The following LGR5 variants were observed in gnomAD, a reference collection of about 807,000 sequenced individuals.
The protein encoded by LGR5 is leucine rich repeat containing G protein-coupled receptor 5.
A neutral mutation model predicts 76.7 loss-of-function variants in LGR5; 54 were observed. That is an observed-to-expected ratio of 0.70 (90% CI 0.57 to 0.88). The LOEUF is 0.88. LGR5 is among the 40% of genes least tolerant of loss of function. The pLI is 0.00. For synonymous variants in LGR5, 406 were observed against 421.9 expected, an observed-to-expected ratio of 0.96 and a Z score of 0.46; for missense variants, 1,078 against 1,073.3, an observed-to-expected ratio of 1.00 and a Z score of -0.06.
chr12:71,559,652 A>T lies in LGR5; in HGVS notation c.783A>T (p.Glu261Asp). The T allele has an allele frequency of 6.6e-7, 1 of 1,507,090 alleles. No individual in the cohort carries two copies. Among genetic ancestry groups the T allele is most frequent in the Admixed American group, 1.7e-5 (1 of 59,274 alleles). The allele number at this position is 1,507,090 out of a possible 1,614,324, so 93.4% of individuals were successfully genotyped here. ...TTAGGACACTCTCCAACCTTAAAGA[A>T]CTGTAAGTATTTAGGACAATTTTAA... ...TAIRTLSNLKELGFHSNNIRS... is the reference protein window; with the variant it reads ...TAIRTLSNLKDLGFHSNNIRS... The change falls in exon 7 of 18, where the codon GAA becomes GAT. Residue 261 changes from glutamate to aspartate, a missense_variant and splice_region_variant. Physicochemically the swap from Glu to Asp is conservative, Grantham distance 45 (BLOSUM62 2). Transcript: ENST00000266674.
At position 71,513,599 on chromosome 12, in the gene LGR5, A is replaced by G. The variant is rs771717337; in HGVS notation, c.284+8914A>G. On this transcript the variant is annotated intron_variant, in intron 2 of 17. Transcript: ENST00000266674. Reference sequence around the variant, plus strand: ...CCATCTGTAAATGGAGATGATGCCAATTGTTTAATGTGATTGTTATAAACA... The same window carrying G: ...CCATCTGTAAATGGAGATGATGCCAGTTGTTTAATGTGATTGTTATAAACA... Among the ~76,000 whole-genome samples the G allele has an allele frequency of 3.9e-5, 6 of 152,196 alleles. No homozygotes were observed. The East Asian group carries it at 9.6e-4, about 24-fold the overall frequency.
chr12:71,453,637 T>G (rs1234549770), intron 1 of LGR5, among the ~76,000 whole-genome samples: 1 of 151,936 alleles, frequency 6.6e-6, no homozygotes, highest in African/African-American at 2.4e-5. Context: ...GGTCGGGAAT[T>G]CAACCTTCCT....
At chr12:71,549,176 C>G (rs1472308568) in intron 4 of LGR5, among the ~76,000 whole-genome samples, 1 of 152,194 alleles carries the variant, frequency 6.6e-6, no homozygotes, top group Admixed American at 6.5e-5. Flanking sequence ...GGAAGAACCA[C>G]CTGTGTGAGT....
chr12:71,541,412 T>G (rs75232636), intron 4 of LGR5, among the ~76,000 whole-genome samples: 1 of 152,180 alleles, frequency 6.6e-6, no homozygotes, highest in East Asian at 1.9e-4. Context: ...GTAAAATAAA[T>G]TTTTTTAAAG....
At chr12:71,460,814 C>A (rs1367887431) in intron 1 of LGR5, among the ~76,000 whole-genome samples, 1 of 152,114 alleles carries the variant, frequency 6.6e-6, no homozygotes, top group East Asian at 1.9e-4. Context: ...GCCTCCATTT[C>A]CTATTGTAAA....
rs772972098 is a variant in LGR5, at chr12:71,571,587, T to C, written c.1136+8T>C. 8.1e-6 allele frequency: 13 copies of C among 1,596,448 alleles called. No individual in the cohort carries two copies. The highest frequency in any genetic ancestry group is 1.0e-5 in the Non-Finnish European group (12 of 1,164,762). On this transcript the variant is annotated splice_region_variant and intron_variant, in intron 12 of 17. Coordinates refer to ENST00000266674, the MANE Select transcript of LGR5 (RefSeq NM_003667.4). ...CCAAAAGCTTCAGAAAATGTAAGTC[T>C]AGAAGTCTCTAAGTCACCTAGCAAA...
intron 1 of LGR5, among the ~76,000 whole-genome samples, chr12:71,451,603 C>T (rs767887818): frequency 2.3e-4 from 35 of 152,274 alleles, no homozygotes; most frequent in Non-Finnish European, 3.8e-4. Flanking sequence ...GTCTTTGATG[C>T]TCCCACATCA....
chr12:71,549,668 A>G (rs1199240591), intron 4 of LGR5, among the ~76,000 whole-genome samples: 1 of 152,212 alleles, frequency 6.6e-6, no homozygotes, highest in Admixed American at 6.5e-5. Context: ...GGTTTAGACC[A>G]CTGAGGCCAG....
intron 11 of LGR5, among the ~76,000 whole-genome samples, chr12:71,570,992 T>G (rs147625195): frequency 1.1e-3 from 160 of 152,336 alleles, no homozygotes; most frequent in Non-Finnish European, 2.1e-3. Flanking sequence ...TGTCCAGATG[T>G]TTTTGTTATT....
chr12:71,512,165 C>T (rs1446671795), intron 2 of LGR5, among the ~76,000 whole-genome samples: 1 of 151,926 alleles, frequency 6.6e-6, no homozygotes, highest in East Asian at 1.9e-4. Flanking sequence ...CTAATTTTTG[C>T]ATTTTAGTAG....
intron 16 of LGR5, among the ~76,000 whole-genome samples, chr12:71,581,545 G>A (rs1879092094): frequency 6.6e-6 from 1 of 152,174 alleles, no homozygotes; most frequent in Non-Finnish European, 1.5e-5. Flanking sequence ...AGTTTTTCCT[G>A]CATGTGTATC....
At chr12:71,557,317 G>C (rs1016752711) in intron 6 of LGR5, among the ~76,000 whole-genome samples, 1 of 152,150 alleles carries the variant, frequency 6.6e-6, no homozygotes, top group Non-Finnish European at 1.5e-5. Flanking sequence ...AGTAATAGTA[G>C]CTACTATTTA....
chr12:71,547,508 T>C (rs766027111), intron 4 of LGR5, among the ~76,000 whole-genome samples: 2 of 152,228 alleles, frequency 1.3e-5, no homozygotes, highest in Non-Finnish European at 2.9e-5. Context: ...CCTCAAATAA[T>C]AAAGTCTGTC....
chr12:71,496,126 C>T (rs1399789061), intron 1 of LGR5, among the ~76,000 whole-genome samples: 1 of 152,142 alleles, frequency 6.6e-6, no homozygotes, highest in African/African-American at 2.4e-5. Context: ...AATCCCAGCA[C>T]TTTGGGAGGC....
intron 1 of LGR5, among the ~76,000 whole-genome samples, chr12:71,492,606 C>T (rs542538150): frequency 1.3e-5 from 2 of 152,200 alleles, no homozygotes; most frequent in African/African-American, 4.8e-5. Flanking sequence ...CCAGAGAATC[C>T]CTCAGAACCC....
At chr12:71,501,725 A>G (rs1257972181) in intron 1 of LGR5, among the ~76,000 whole-genome samples, 3 of 152,162 alleles carry the variant, frequency 2.0e-5, no homozygotes, top group Non-Finnish European at 2.9e-5. Flanking sequence ...TGTATTTTGT[A>G]TATCTTTGTA....
chr12:71,548,950 G>A (rs142500373), intron 4 of LGR5, among the ~76,000 whole-genome samples: 267 of 152,198 alleles, frequency 1.8e-3, no homozygotes, highest in African/African-American at 6.0e-3. Flanking sequence ...GTCTATTATG[G>A]AACCATATTT....
intron 3 of LGR5, among the ~76,000 whole-genome samples, chr12:71,525,375 CT>C (rs1875940419): frequency 6.6e-6 from 1 of 151,470 alleles, no homozygotes; most frequent in African/African-American, 2.4e-5. Context: ...TTTGGTTTCC[CT>C]TCCTCTCTTT....
chr12:71,535,166 T>C lies in LGR5; in HGVS notation c.408T>C (p.Asn136=). Residue 136 remains asparagine (N), a synonymous_variant, in exon 4 of 18, where the codon AAT becomes AAC. Transcript: ENST00000266674. ...ACGTACCCACAGAAGCTCTGCAGAA[T>C]TTGCGAAGCCTTCAATCCCTGTAAG... The part of the protein sequence containing the change: ...LRHVPTEALQ[N]LRSLQSLRLD... 6.2e-7 allele frequency: 1 copy of C among 1,610,834 alleles called. No individual in the cohort carries two copies.
Sources: allele counts gnomAD v4.1 joint callset (sites outside exome capture counted in the v4.1 genomes callset), GRCh38; gene constraint gnomAD v4.1.1; transcripts MANE v1.5; gene names NCBI Gene and HGNC (gene_info 2026-07-23, HGNC 2026-07-21).